SEMA6D: variants seen among roughly 807,000 people sequenced by gnomAD.
SEMA6D encodes the protein semaphorin-6D.
Under a neutral mutation model 106.6 loss-of-function variants are expected in SEMA6D, and 35 were observed. The ratio of observed to expected loss-of-function variants is 0.33; its 90% confidence interval spans 0.25 to 0.44. The LOEUF (loss-of-function observed/expected upper bound fraction) is 0.44, where lower values mean the gene tolerates loss of function less well. SEMA6D is among the 20% of genes least tolerant of loss of function. SEMA6D has a pLI of 1.00. For missense variants in SEMA6D, 1,185 were observed against 1,345.9 expected, an observed-to-expected ratio of 0.88 and a Z score of 1.87; for synonymous variants, 499 against 487.7, an observed-to-expected ratio of 1.02 and a Z score of -0.31.
chr15:47,720,974 ATTG>A (rs1208718467), intron 1 of SEMA6D, among the ~76,000 whole-genome samples: 1 of 152,178 alleles, frequency 6.6e-6, no homozygotes, highest in Non-Finnish European at 1.5e-5. Context: ...TTTTATTTTA[ATTG>A]ATAGACTTTA....
intron 3 of SEMA6D, among the ~76,000 whole-genome samples, chr15:47,522,347 C>T (rs1300489572): frequency 6.6e-6 from 1 of 152,134 alleles, no homozygotes; most frequent in Non-Finnish European, 1.5e-5. Flanking sequence ...TATCCTGGCA[C>T]CATGCATTTC....
chr15:47,554,383 G>T (rs1351574890), intron 3 of SEMA6D, among the ~76,000 whole-genome samples: 2 of 152,192 alleles, frequency 1.3e-5, no homozygotes, highest in Non-Finnish European at 2.9e-5. Context: ...CTAAGTGAAT[G>T]AGTGCAGTTC....
chr15:47,576,215 A>G (rs1433058575), intron 3 of SEMA6D, among the ~76,000 whole-genome samples: 1 of 152,224 alleles, frequency 6.6e-6, no homozygotes, highest in Non-Finnish European at 1.5e-5. Flanking sequence ...ATGCAGAGTG[A>G]TGGAGCTACA....
At chr15:47,749,892 G>C (rs2081339663) in intron 1 of SEMA6D, among the ~76,000 whole-genome samples, 1 of 152,144 alleles carries the variant, frequency 6.6e-6, no homozygotes, top group African/African-American at 2.4e-5. Context: ...AAAAGGAGCA[G>C]CTAGGGAGGT....
chr15:47,409,821 C>G (rs529590231), intron 1 of SEMA6D, among the ~76,000 whole-genome samples: 10 of 149,366 alleles, frequency 6.7e-5, no homozygotes, highest in Non-Finnish European at 1.3e-4. Context: ...CCTGGACATG[C>G]TGGGAGTGGG....
chr15:47,626,807 A>G (rs371037791), intron 4 of SEMA6D, among the ~76,000 whole-genome samples: 4 of 152,068 alleles, frequency 2.6e-5, no homozygotes, highest in South Asian at 4.1e-4. Context: ...TGAATTATCT[A>G]CCAAAAAAGA....
At chr15:47,730,514 A>T (rs927723863) in intron 1 of SEMA6D, 2 of 1,281,390 alleles carry the variant, frequency 1.6e-6, no homozygotes, top group Non-Finnish European at 2.3e-6. Flanking sequence ...CAAGGTGGTG[A>T]CGGTGTCAAC....
intron 1 of SEMA6D, among the ~76,000 whole-genome samples, chr15:47,367,254 T>A (rs1210340686): frequency 6.6e-6 from 1 of 152,118 alleles, no homozygotes; most frequent in African/African-American, 2.4e-5. Context: ...CCCCCCTTCT[T>A]CAAATTACTA....
intron 2 of SEMA6D, among the ~76,000 whole-genome samples, chr15:47,445,198 A>G (rs951894804): frequency 1.3e-5 from 2 of 152,064 alleles, no homozygotes; most frequent in South Asian, 4.1e-4. Context: ...ATATAGGTAC[A>G]GAAGAGGGGG....
chr15:47,235,484 T>C (rs972331226), intron 1 of SEMA6D, among the ~76,000 whole-genome samples: 3 of 152,036 alleles, frequency 2.0e-5, no homozygotes, highest in African/African-American at 7.2e-5. Flanking sequence ...CTTTGATCCA[T>C]TTTCAGTTGA....
chr15:47,656,757 T>TGA (rs1220276305), intron 4 of SEMA6D, among the ~76,000 whole-genome samples: 1 of 152,200 alleles, frequency 6.6e-6, no homozygotes, highest in Non-Finnish European at 1.5e-5. Flanking sequence ...CCCTTTGCTC[T>TGA]GTGGAAGGGA....
At chr15:47,446,239 A>G (rs1001388586) in intron 2 of SEMA6D, among the ~76,000 whole-genome samples, 1 of 152,088 alleles carries the variant, frequency 6.6e-6, no homozygotes, top group African/African-American at 2.4e-5. Context: ...AAAAGAAGAG[A>G]TGACGTCTTC....
At chr15:47,336,776 A>G (rs2144318080) in intron 1 of SEMA6D, among the ~76,000 whole-genome samples, 1 of 152,220 alleles carries the variant, frequency 6.6e-6, no homozygotes, top group South Asian at 2.1e-4. Context: ...GTGCTGTTGA[A>G]TTCTATAGAC....
At chr15:47,657,715 A>ATTCCTTTTTTT (rs2077824995) in intron 4 of SEMA6D, among the ~76,000 whole-genome samples, 1 of 44,786 alleles carries the variant, frequency 2.2e-5, no homozygotes, top group African/African-American at 1.1e-4. Flanking sequence ...AGAGGGCTTC[A>ATTCCTTTTTTT]TTTCTTTTTT....
intron 2 of SEMA6D, among the ~76,000 whole-genome samples, chr15:47,426,413 T>G (rs1393503858): frequency 2.0e-5 from 3 of 152,122 alleles, no homozygotes; most frequent in Non-Finnish European, 4.4e-5. Flanking sequence ...CAAAACAGAA[T>G]AGTTTTGATC....
intron 1 of SEMA6D, among the ~76,000 whole-genome samples, chr15:47,758,008 A>T (rs59184310): frequency 0.2 from 30,819 of 152,158 alleles, 3,772 homozygotes; most frequent in South Asian, 0.32. Context: ...AATTTCATCC[A>T]TGCCCAAGTC....
At chr15:47,674,555 G>A (rs869730) in intron 4 of SEMA6D, among the ~76,000 whole-genome samples, 47,162 of 152,108 alleles carry the variant, frequency 0.31, 8,688 homozygotes, top group East Asian at 0.49. Flanking sequence ...GACTGCCTCT[G>A]CTTTCTCTTA....
intron 1 of SEMA6D, among the ~76,000 whole-genome samples, chr15:47,749,085 T>C (rs1021261938): frequency 2.0e-5 from 3 of 149,476 alleles, no homozygotes; most frequent in African/African-American, 7.4e-5. Context: ...TTTTTCTTTT[T>C]TTTTTTTTTT....
chr15:47,241,370 T>C (rs1424839887), intron 1 of SEMA6D: 1 of 152,164 alleles, frequency 6.6e-6, no homozygotes, highest in Admixed American at 6.5e-5. Context: ...CAGACCTGTA[T>C]GTAAGTGGTC....
Sources: gnomAD v4.1 joint callset for allele counts (sites outside exome capture counted in the v4.1 genomes callset) on GRCh38, gnomAD v4.1.1 for gene constraint, MANE v1.5 for transcripts, NCBI Gene and HGNC (gene_info 2026-07-23, HGNC 2026-07-21) for gene names.